TRHDE: variants seen among roughly 807,000 people sequenced by gnomAD.
TRHDE encodes the protein thyrotropin-releasing hormone-degrading ectoenzyme.
In TRHDE, 72 loss-of-function variants were observed where a neutral mutation model predicts 125.7. The ratio of observed to expected loss-of-function variants is 0.57; its 90% confidence interval spans 0.47 to 0.70. TRHDE has a LOEUF of 0.70. Ranked by LOEUF, TRHDE falls within the 30% of genes least tolerant of loss-of-function variation. TRHDE has a pLI of 0.00. For synonymous variants in TRHDE, 509 were observed against 509.1 expected (o/e 1.00, Z 0.00); for missense variants, 1,110 against 1,327.1 (o/e 0.84, Z 2.54).
At chr12:72,440,254 C>T (rs1874938298) in intron 3 of TRHDE, among the ~76,000 whole-genome samples, 2 of 151,800 alleles carry the variant, frequency 1.3e-5, no homozygotes, top group African/African-American at 4.8e-5. Flanking sequence ...GCTTTGGTAT[C>T]AGTGCTATGC....
intron 12 of TRHDE, among the ~76,000 whole-genome samples, chr12:72,580,562 C>T (rs1871178603): frequency 6.6e-6 from 1 of 152,212 alleles, no homozygotes; most frequent in Admixed American, 6.5e-5. Flanking sequence ...CTGCCTCAGC[C>T]TCCTGAGTAG....
At chr12:72,201,465 T>C (rs1412048415) in intron 2 of TRHDE, among the ~76,000 whole-genome samples, 2 of 152,210 alleles carry the variant, frequency 1.3e-5, no homozygotes, top group Non-Finnish European at 2.9e-5. Context: ...GTCAATTTCA[T>C]GTACTGCCCC....
chr12:72,637,392 C>CT (rs1285047541), intron 15 of TRHDE, among the ~76,000 whole-genome samples: 1 of 152,088 alleles, frequency 6.6e-6, no homozygotes, highest in African/African-American at 2.4e-5. Flanking sequence ...ATTCTTTTCT[C>CT]TTTTTTTCTT....
At chr12:72,560,675 A>C (rs375217879) in intron 7 of TRHDE, 1 of 151,996 alleles carries the variant, frequency 6.6e-6, no homozygotes, top group African/African-American at 2.4e-5. Context: ...TTAAAAAAAA[A>C]CAGCTGGATG....
chr12:72,564,095 C>T (rs1754289571), intron 9 of TRHDE, among the ~76,000 whole-genome samples: 1 of 152,240 alleles, frequency 6.6e-6, no homozygotes, highest in Non-Finnish European at 1.5e-5. Context: ...ATTTGGAATC[C>T]GATTTAGGAA....
intron 2 of TRHDE, among the ~76,000 whole-genome samples, chr12:72,130,535 TAGG>T (rs1875837097): frequency 6.6e-6 from 1 of 152,072 alleles, no homozygotes; most frequent in Non-Finnish European, 1.5e-5. Flanking sequence ...GAGGAAAATA[TAGG>T]AGAATATCTT....
At position 72,094,908 on chromosome 12, in the gene TRHDE, G is replaced by A. The variant is rs531018537; in HGVS notation, n.174+7469G>A. On this transcript the variant is annotated intron_variant and non_coding_transcript_variant, in intron 1 of 4. Transcript: ENST00000548156. ...TTCCTACATGAATCCCAACACGAAG[G>A]TACTTTTGTTCATGGATGGCTGTGA... 1.4e-4 allele frequency among the ~76,000 whole-genome samples: 22 copies of A among 152,302 alleles called. No individual in the cohort carries two copies. In the East Asian group the frequency reaches 3.9e-3, roughly 27 times the overall value.
chr12:72,427,894 G>A (rs1247564588), intron 3 of TRHDE, among the ~76,000 whole-genome samples: 1 of 152,076 alleles, frequency 6.6e-6, no homozygotes, highest in African/African-American at 2.4e-5. Flanking sequence ...GTGCCAGATT[G>A]GCTGTGTCAG....
intron 1 of TRHDE, among the ~76,000 whole-genome samples, chr12:72,281,220 T>G (rs1222711372): frequency 6.6e-6 from 1 of 152,212 alleles, no homozygotes; most frequent in African/African-American, 2.4e-5. Flanking sequence ...GCTTATAGTA[T>G]TGAATATTCA....
rs56969276 is a variant in TRHDE, at chr12:72,240,305, T to TTATATATATATA, written n.279+134565_279+134576dup. Among the ~76,000 whole-genome samples, 44 of 111,346 alleles carry TTATATATATATA rather than the reference T, an allele frequency of 4.0e-4. 1 individual carries two copies. The highest frequency in any genetic ancestry group is 2.0e-3 in the South Asian group (7 of 3,458). The allele number at this position is 111,346 out of a possible 152,430, so 73.0% of individuals were successfully genotyped here. ...TTTCAGGGTATGTCCTTCTCACATT[T>TTATATATATATA]TATATATATATATATATATATATTT... On this transcript the variant is annotated intron_variant and non_coding_transcript_variant, in intron 2 of 4. Coordinates refer to the TRHDE transcript ENST00000548156.
chr12:72,650,323 G>C (rs915166938), intron 15 of TRHDE, among the ~76,000 whole-genome samples: 1 of 152,094 alleles, frequency 6.6e-6, no homozygotes, highest in African/African-American at 2.4e-5. Context: ...TTTAAAAAGT[G>C]AAGCTTATGA....
At chr12:72,293,903 G>A (rs1880186370) in intron 2 of TRHDE, among the ~76,000 whole-genome samples, 1 of 152,202 alleles carries the variant, frequency 6.6e-6, no homozygotes, top group South Asian at 2.1e-4. Context: ...TGAGGGGTGT[G>A]TGAGTGAGCA....
intron 3 of TRHDE, among the ~76,000 whole-genome samples, chr12:72,450,434 A>G (rs1490098542): frequency 6.6e-6 from 1 of 152,106 alleles, no homozygotes; most frequent in Non-Finnish European, 1.5e-5. Context: ...TAAAAATTGT[A>G]TATCCTTAAC....
chr12:72,551,691 G>C (rs763733101), intron 7 of TRHDE, among the ~76,000 whole-genome samples: 1 of 152,020 alleles, frequency 6.6e-6, no homozygotes, highest in Non-Finnish European at 1.5e-5. Flanking sequence ...AATACACAGC[G>C]GATATGGTCC....
At chr12:72,317,091 T>A (rs543178125) in intron 2 of TRHDE, among the ~76,000 whole-genome samples, 2 of 152,232 alleles carry the variant, frequency 1.3e-5, no homozygotes, top group Non-Finnish European at 2.9e-5. Context: ...TCTGAGGGTA[T>A]CATAATTCCA....
intron 2 of TRHDE, among the ~76,000 whole-genome samples, chr12:72,313,389 T>G (rs1440095065): frequency 2.6e-5 from 4 of 152,096 alleles, no homozygotes; most frequent in Non-Finnish European, 2.9e-5. Context: ...GAAAATATTT[T>G]TAATACTTCT....
At chr12:72,163,822 C>T (rs754811072) in intron 2 of TRHDE, among the ~76,000 whole-genome samples, 3 of 152,168 alleles carry the variant, frequency 2.0e-5, no homozygotes, top group Non-Finnish European at 2.9e-5. Context: ...CTCAAGGGTA[C>T]TCAAATCGGC....
intron 2 of TRHDE, among the ~76,000 whole-genome samples, chr12:72,370,200 G>A (rs1871514645): frequency 6.6e-6 from 1 of 152,130 alleles, no homozygotes; most frequent in Non-Finnish European, 1.5e-5. Context: ...ACTACAATTG[G>A]CTTTACTTGG....
intron 12 of TRHDE, among the ~76,000 whole-genome samples, chr12:72,604,341 G>A (rs1872340093): frequency 6.6e-6 from 1 of 152,060 alleles, no homozygotes; most frequent in African/African-American, 2.4e-5. Context: ...TTTAGTCCTA[G>A]GGGATGTGCC....
Sources: gnomAD v4.1 joint callset for allele counts (sites outside exome capture counted in the v4.1 genomes callset) on GRCh38, gnomAD v4.1.1 for gene constraint, MANE v1.5 for transcripts, NCBI Gene and HGNC (gene_info 2026-07-23, HGNC 2026-07-21) for gene names.